Variants in CCDC136 observed in about 807,000 individuals in gnomAD.
The protein encoded by CCDC136 is coiled-coil domain-containing protein 136.
Under a neutral mutation model 141.2 loss-of-function variants are expected in CCDC136, and 100 were observed. The ratio of observed to expected loss-of-function variants is 0.71; its 90% CI spans 0.60 to 0.84. The LOEUF (loss-of-function observed/expected upper bound fraction) is 0.84, where lower values mean the gene tolerates loss of function less well. Ranked by LOEUF, CCDC136 falls within the 40% of genes least tolerant of loss-of-function variation. CCDC136 has a pLI of 0.00. For synonymous variants in CCDC136, 474 were observed against 531.9 expected, an observed-to-expected ratio of 0.89 and a Z score of 1.50; for missense variants, 1,206 against 1,379.4, an observed-to-expected ratio of 0.87 and a Z score of 1.99.
intron 10 of CCDC136, chr7:128,808,439 A>C: frequency 1.0e-6 from 1 of 966,280 alleles, no homozygotes; most frequent in Non-Finnish European, 1.2e-6. Context: ...AGTGATAAAT[A>C]AGGCCTTATT....
rs1247146157 is a variant in CCDC136 at position 128,807,373 on chromosome 7, A to T, written c.1433A>T (p.His478Leu). 3 of 1,544,870 alleles carry T rather than the reference A, an allele frequency of 1.9e-6. No individual in the cohort carries two copies. In the African/African-American group the frequency reaches 4.2e-5, roughly 21 times the overall value. Residue 478 changes from histidine to leucine, a missense_variant, in exon 10 of 18, where the codon CAC (histidine) becomes CTC (leucine). Coordinates refer to ENST00000297788, the MANE Select transcript of CCDC136 (RefSeq NM_022742.5). ...KESNEKDTET[H>L]AQLQEMKQLY... ...TCCCCTGCCCAGGACACAGAGACGCACGCTCAGCTTCAGGAGATGAAGCAG... is the reference window on the plus strand; with the variant it reads ...TCCCCTGCCCAGGACACAGAGACGCTCGCTCAGCTTCAGGAGATGAAGCAG...
intron 17 of CCDC136, among the ~76,000 whole-genome samples, chr7:128,819,454 G>A (rs1404645247): frequency 3.3e-5 from 5 of 152,316 alleles, no homozygotes; most frequent in Admixed American, 6.5e-5. Flanking sequence ...AAGGATGATC[G>A]AACCTCTGCC....
chr7:128,817,807 T>G lies in CCDC136; in HGVS notation c.3413T>G (p.Leu1138Arg). The G allele has an allele frequency of 6.2e-7, 1 of 1,613,948 alleles. No individual in the cohort carries two copies. Among genetic ancestry groups the G allele is most frequent in the Non-Finnish European group, 8.5e-7 (1 of 1,179,874 alleles). The change falls in exon 17 of 18, where the codon CTG becomes CGG. Residue 1138 changes from leucine (L) to arginine (R), a missense_variant. Leu to Arg is a moderately radical substitution (Grantham distance 102, BLOSUM62 -2). Coordinates refer to ENST00000297788, the MANE Select transcript of CCDC136 (RefSeq NM_022742.5). The surrounding 1 kb of genome is among the most constrained non-coding windows in gnomAD (Gnocchi z 4.6). ...PPIFSLPLVG[L>R]VVISALLWCW... ...ATCTTCTCCTTGCCTCTTGTAGGCCTGGTGGTCATCTCGGCTTTGCTCTGG... is the reference window on the plus strand; with the variant it reads ...ATCTTCTCCTTGCCTCTTGTAGGCCGGGTGGTCATCTCGGCTTTGCTCTGG...
intron 3 of CCDC136, among the ~76,000 whole-genome samples, chr7:128,800,187 T>G (rs1803789432): frequency 6.6e-6 from 1 of 152,224 alleles, no homozygotes; most frequent in African/African-American, 2.4e-5. Context: ...CAGCTCTTTT[T>G]CTTCAGTTAA....
intron 3 of CCDC136, among the ~76,000 whole-genome samples, chr7:128,798,615 A>C (rs747984316): frequency 1.5e-4 from 23 of 152,110 alleles, no homozygotes; most frequent in Non-Finnish European, 1.9e-4. Context: ...CATCAAAAGC[A>C]TATTAGGGAG....
Position 128,821,637 on chromosome 7 carries a change from C to T in CCDC136, c.*6-162C>T, listed in dbSNP as rs1807451765. Among the ~76,000 whole-genome samples, 1 of 152,160 alleles carries T rather than the reference C, an allele frequency of 6.6e-6. No individual in the cohort carries two copies. The highest frequency in any genetic ancestry group is 1.5e-5 in the Non-Finnish European group (1 of 68,026). Reference sequence around the variant, plus strand: ...GTGTTGGGCCACATGTCTAGTGGTGCCAGGACTGAGAGATCACTTACCTCC... The same window carrying T: ...GTGTTGGGCCACATGTCTAGTGGTGTCAGGACTGAGAGATCACTTACCTCC... On this transcript the variant is annotated intron_variant, in intron 17 of 17. Coordinates refer to ENST00000297788, the MANE Select transcript of CCDC136 (RefSeq NM_022742.5). The surrounding 1 kb of genome is among the most constrained non-coding windows in gnomAD (Gnocchi z 5.1).
At chr7:128,797,830 C>G (rs1200098673) in intron 3 of CCDC136, among the ~76,000 whole-genome samples, 3 of 151,104 alleles carry the variant, frequency 2.0e-5, no homozygotes, top group Non-Finnish European at 3.0e-5. Context: ...AGGCCTTTGC[C>G]TGGAGAAGGA....
rs1257366531 is a variant in CCDC136 at position 128,821,079 on chromosome 7, C to T, written c.*6-720C>T. 6.6e-6 allele frequency among the ~76,000 whole-genome samples: 1 copy of T among 152,130 alleles called. No homozygotes were observed. Among genetic ancestry groups the T allele is most frequent in the Non-Finnish European group, 1.5e-5 (1 of 68,020 alleles). On this transcript the variant is annotated intron_variant, in intron 17 of 17. Transcript: ENST00000297788. This position sits in a 1 kb window ranked among gnomAD's most constrained non-coding sequence, Gnocchi z 5.1. ...TTCTTGTCTAAGATTTTCATATTAC[C>T]TAATGGATGCTTTTTGGATATCTTC...
rs771416547 is a variant in CCDC136, at chr7:128,811,847, T to A, written c.2076T>A (p.Tyr692Ter). 6.2e-7 allele frequency: 1 copy of A among 1,608,790 alleles called. No homozygotes were observed. Among genetic ancestry groups the A allele is most frequent in the East Asian group, 2.2e-5 (1 of 44,834 alleles). Reference protein sequence around the residue: ...MEQMQALQVMYDAGQAKQELL... With the variant: ...MEQMQALQVM Reference sequence around the variant, plus strand: ...AGATGCAGGCCCTGCAGGTGATGTATGACGCCGGTCAGGCGAAGCAGGAGC... The same window carrying A: ...AGATGCAGGCCCTGCAGGTGATGTAAGACGCCGGTCAGGCGAAGCAGGAGC... The change falls in exon 13 of 18, where the codon TAT (tyrosine) becomes TAA (stop). Residue 692 changes from tyrosine to a stop codon, truncating the protein, a stop_gained. Transcript: ENST00000297788. LOFTEE classifies it high-confidence loss of function.
In CCDC136 at chr7:128,805,087, T is replaced by C. The variant is rs987243651; in HGVS notation, c.783-272T>C. 6.6e-6 allele frequency among the ~76,000 whole-genome samples: 1 copy of C among 152,228 alleles called. No homozygotes were observed. Among genetic ancestry groups the C allele is most frequent in the African/African-American group, 2.4e-5 (1 of 41,462 alleles). On this transcript the variant is annotated intron_variant, in intron 5 of 17. Transcript: ENST00000297788. The surrounding 1 kb of genome is among the most constrained non-coding windows in gnomAD (Gnocchi z 4.6). Reference sequence around the variant, plus strand: ...TGTTTCAGTCTAATGGCAGGCACAATGCTTCCAGATTGGAGTGGGCTTGAC... The same window carrying C: ...TGTTTCAGTCTAATGGCAGGCACAACGCTTCCAGATTGGAGTGGGCTTGAC...
At chr7:128,796,988 G>A (rs199908572) in intron 3 of CCDC136, among the ~76,000 whole-genome samples, 11 of 151,682 alleles carry the variant, frequency 7.3e-5, no homozygotes, top group African/African-American at 1.2e-4. Flanking sequence ...TGATCCGCCC[G>A]CCTCGGCCTC....
In CCDC136 at chr7:128,805,684, T is replaced by A. The variant is rs1439147453; in HGVS notation, c.949-77T>A. On this transcript the variant is annotated intron_variant, in intron 6 of 17. Transcript: ENST00000297788. The surrounding 1 kb of genome is among the most constrained non-coding windows in gnomAD (Gnocchi z 4.6). ...TAAATCTTCCAGTCAAAGAGCGCCA[T>A]GCTTTCCCCAAGCTTGTTCTTGGAG... 3.1e-6 allele frequency: 5 copies of A among 1,588,270 alleles called. No individual in the cohort carries two copies. Among genetic ancestry groups the A allele is most frequent in the Non-Finnish European group, 4.3e-6 (5 of 1,163,048 alleles).
At position 128,794,194 on chromosome 7, in the gene CCDC136, T is replaced by A; in HGVS notation, c.17-154T>A. 2 of 969,956 alleles carry A rather than the reference T, an allele frequency of 2.1e-6. No homozygotes were observed. Among genetic ancestry groups the A allele is most frequent in the Non-Finnish European group, 3.2e-6 (2 of 627,866 alleles). The allele number at this position is 969,956 out of a possible 1,614,324, so 60.1% of individuals were successfully genotyped here. ...CTTGACTCTCACACCTGAGGACTCATCTTGAGTACAGGTCTTGCCCCGGGG... is the reference window on the plus strand; with the variant it reads ...CTTGACTCTCACACCTGAGGACTCAACTTGAGTACAGGTCTTGCCCCGGGG... On this transcript the variant is annotated intron_variant, in intron 1 of 17. Coordinates refer to ENST00000297788, the MANE Select transcript of CCDC136 (RefSeq NM_022742.5). The surrounding 1 kb of genome is among the most constrained non-coding windows in gnomAD (Gnocchi z 4.3).
intron 11 of CCDC136, 141 bp from the exon 12 acceptor site, chr7:128,809,998 C>A (rs766110135): frequency 2.3e-5 from 14 of 616,592 alleles, no homozygotes; most frequent in Non-Finnish European, 3.7e-5. Flanking sequence ...AAGGGCTCCC[C>A]CGTCCCCAGA....
Position 128,817,949 on chromosome 7 carries a change from C to T in CCDC136, c.*5+85C>T. The T allele has an allele frequency of 1.0e-6, 1 of 985,936 alleles. No homozygotes were observed. Among genetic ancestry groups the T allele is most frequent in the Non-Finnish European group, 1.6e-6 (1 of 632,430 alleles). The allele number at this position is 985,936 out of a possible 1,614,324, so 61.1% of individuals were successfully genotyped here. On this transcript the variant is annotated intron_variant, in intron 17 of 17. Coordinates refer to ENST00000297788, the MANE Select transcript of CCDC136 (RefSeq NM_022742.5). This position sits in a 1 kb window ranked among gnomAD's most constrained non-coding sequence, Gnocchi z 4.6. ...CTCTCCTCTTTCCCTTTTCTCCCAG[C>T]TGCTTGCTTCTTGCTTGTGCCATTT...
At chr7:128,806,094 T>G in intron 7 of CCDC136, 143 bp from the exon 8 acceptor site, 1 of 927,898 alleles carries the variant, frequency 1.1e-6, no homozygotes. Context: ...CATTACTGAG[T>G]GTCCATCTCA....
chr7:128,809,669 A>C (rs763187093), intron 11 of CCDC136, 25 bp downstream of exon 11: 4 of 1,460,826 alleles, frequency 2.7e-6, no homozygotes, highest in Non-Finnish European at 3.7e-6. Context: ...GGCAGCTGCT[A>C]ACTGCGGGGA....
chr7:128,805,145 C>T lies in CCDC136; in HGVS notation c.783-214C>T, dbSNP rs552333631. On this transcript the variant is annotated intron_variant, in intron 5 of 17. Transcript: ENST00000297788. This position sits in a 1 kb window ranked among gnomAD's most constrained non-coding sequence, Gnocchi z 4.6. The stretch of plus-strand genomic sequence containing the variant: ...AGCCTCAAAACTAACTGGACTGGCA[C>T]TCTAAGGGTCTCCCAGAGCCAAACA... Among the ~76,000 whole-genome samples the T allele has an allele frequency of 6.6e-6, 1 of 152,184 alleles. No individual in the cohort carries two copies. Among genetic ancestry groups the T allele is most frequent in the African/African-American group, 2.4e-5 (1 of 41,438 alleles).
chr7:128,808,895 G>T lies in CCDC136; in HGVS notation c.1606-555G>T, dbSNP rs958222806. 10 of 985,280 alleles carry T rather than the reference G, an allele frequency of 1.0e-5. No homozygotes were observed. In the African/African-American group the frequency reaches 1.6e-4, roughly 15 times the overall value. The allele number at this position is 985,280 out of a possible 1,614,324, so 61.0% of individuals were successfully genotyped here. A position where few individuals can be genotyped will look rare whatever the true frequency, so the allele number is the denominator to read the frequency against. ...CATTGAGATCTGTCTGATATTAGAA[G>T]ATCTGGGTTTTTGGAAATGGGATGA... On this transcript the variant is annotated intron_variant, in intron 10 of 17. Transcript: ENST00000297788.
Sources: gnomAD v4.1 joint callset for allele counts (sites outside exome capture counted in the v4.1 genomes callset) on GRCh38, gnomAD v4.1.1 for gene constraint, Gnocchi (gnomAD v3.1) non-coding constraint, MANE v1.5 for transcripts, NCBI Gene and HGNC (gene_info 2026-07-23, HGNC 2026-07-21) for gene names.